AK2: variants seen among roughly 807,000 people sequenced by gnomAD.
The protein encoded by AK2 is adenylate kinase 2, mitochondrial.
In AK2, 15 loss-of-function variants were observed where a neutral mutation model predicts 24.6. That is an observed-to-expected ratio of 0.61 (90% CI 0.41 to 0.94). The LOEUF (loss-of-function observed/expected upper bound fraction) is 0.94. Ranked by LOEUF, AK2 falls within the 40% of genes least tolerant of loss-of-function variation. The probability of loss-of-function intolerance (pLI) is 0.00; values close to 1 mark genes in which losing one functional copy is unlikely to be tolerated. For synonymous variants in AK2, 102 were observed against 114.0 expected (o/e 0.90, Z 0.67); for missense variants, 257 against 304.1 (o/e 0.85, Z 1.15).
intron 4 of AK2, chr1:33,020,215 AC>A (rs1639449242): frequency 7.8e-7 from 1 of 1,276,894 alleles, no homozygotes; most frequent in African/African-American, 1.5e-5. Flanking sequence ...ACACACACAC[AC>A]ACACACACAC....
intron 1 of AK2, among the ~76,000 whole-genome samples, chr1:33,033,639 A>T (rs900729807): frequency 1.3e-5 from 2 of 152,284 alleles, no homozygotes; most frequent in South Asian, 2.1e-4. Flanking sequence ...ATACATACTA[A>T]TATTATTTAC....
intron 1 of AK2, among the ~76,000 whole-genome samples, chr1:33,034,002 T>C (rs960700549): frequency 3.3e-5 from 5 of 152,166 alleles, no homozygotes; most frequent in African/African-American, 4.8e-5. Context: ...GCCTCCTGAA[T>C]AGCTGGGACT....
intron 5 of AK2, among the ~76,000 whole-genome samples, chr1:33,014,086 C>T (rs547272056): frequency 6.6e-6 from 1 of 152,252 alleles, no homozygotes; most frequent in Non-Finnish European, 1.5e-5. Context: ...TATGAAACCC[C>T]AGGACACAGT....
rs541879563 is a variant in AK2 at position 33,021,370 on chromosome 1, C to G, written c.422G>C (p.Gly141Ala). The G allele has an allele frequency of 9.3e-6, 15 of 1,613,820 alleles. No homozygotes were observed. In the East Asian group the frequency reaches 3.1e-4, roughly 34 times the overall value. Residue 141 changes from glycine (G) to alanine (A), a missense_variant, in exon 4 of 6, where the codon GGA becomes GCA. Transcript: ENST00000672715. ...PDSLLIRRIT[G>A]RLIHPKSGRS... ...GGGACCTTCAAGGGACAAATACCTT[C>G]CTGTGATTCTTCGGATCAGCAGAGA...
chr1:33,036,661 G>C, intron 1 of AK2, 75 bp downstream of exon 1: 1 of 1,393,674 alleles, frequency 7.2e-7, no homozygotes, highest in South Asian at 1.2e-5. Context: ...GGCAGGTCCA[G>C]GGCTTCTAGA....
chr1:33,012,451 T>A lies in AK2; in HGVS notation c.*730A>T, dbSNP rs74613946. The A allele has an allele frequency of 0.028, 40,711 of 1,439,404 alleles. 700 individuals carry two copies. The highest frequency in any genetic ancestry group is 0.032 in the Non-Finnish European group (35,307 of 1,087,804). The allele number at this position is 1,439,404 out of a possible 1,614,324, so 89.2% of individuals were successfully genotyped here. On this transcript the variant is annotated 3_prime_UTR_variant, in exon 6 of 6. Coordinates refer to ENST00000672715, the MANE Select transcript of AK2 (RefSeq NM_001625.4). ...CTGTCCATAATGTGCCATCAGGAAC[T>A]GTGACCCTGCCTGACTTCACATGAT...
intron 1 of AK2, among the ~76,000 whole-genome samples, chr1:33,025,344 A>T (rs902795887): frequency 1.3e-5 from 2 of 152,194 alleles, no homozygotes; most frequent in African/African-American, 4.8e-5. Context: ...ATGAATGTAC[A>T]ATTGTCATGT....
At chr1:33,016,733 T>C (rs1639213500) in intron 4 of AK2, among the ~76,000 whole-genome samples, 2 of 152,120 alleles carry the variant, frequency 1.3e-5, no homozygotes, top group South Asian at 2.1e-4. Flanking sequence ...TGAGACAGAG[T>C]CTCATTCTGT....
intron 1 of AK2, among the ~76,000 whole-genome samples, chr1:33,032,736 A>G (rs1041278293): frequency 2.0e-5 from 3 of 152,226 alleles, no homozygotes; most frequent in Non-Finnish European, 2.9e-5. Flanking sequence ...ACCTAAATTG[A>G]ATTAAGTATA....
At chr1:33,036,655 G>A (rs1640601418) in intron 1 of AK2, 81 bp downstream of exon 1, 2 of 1,342,156 alleles carry the variant, frequency 1.5e-6, no homozygotes, top group Admixed American at 2.0e-5. Context: ...GCTCCGGGCA[G>A]GTCCAGGGCT....
At chr1:33,018,031 G>T (rs1297028360) in intron 4 of AK2, among the ~76,000 whole-genome samples, 2 of 152,114 alleles carry the variant, frequency 1.3e-5, no homozygotes, top group Non-Finnish European at 2.9e-5. Context: ...CCTACCAAAT[G>T]CTGGGATCAC....
At chr1:33,035,643 G>A (rs1331512462) in intron 1 of AK2, among the ~76,000 whole-genome samples, 2 of 152,130 alleles carry the variant, frequency 1.3e-5, no homozygotes, top group South Asian at 2.1e-4. Context: ...TTCCAAATCC[G>A]AAATGAGATC....
intron 1 of AK2, chr1:33,031,723 T>A (rs1023887537): frequency 2.2e-6 from 1 of 455,772 alleles, no homozygotes; most frequent in African/African-American, 2.0e-5. Flanking sequence ...TGCAATGACA[T>A]AACTGATGCA....
chr1:33,025,522 G>A (rs1349769310), intron 1 of AK2, among the ~76,000 whole-genome samples: 1 of 152,198 alleles, frequency 6.6e-6, no homozygotes, highest in East Asian at 1.9e-4. Context: ...TCAGAAGGTA[G>A]CTGTGAGGAT....
chr1:33,022,229 A>ATG (rs1553152327), intron 2 of AK2, among the ~76,000 whole-genome samples: 1 of 151,660 alleles, frequency 6.6e-6, no homozygotes, highest in East Asian at 1.9e-4. Flanking sequence ...AACGTGACTG[A>ATG]TGTGTGTACT....
chr1:33,028,232 G>A (rs1443438757), intron 1 of AK2, among the ~76,000 whole-genome samples: 5 of 152,110 alleles, frequency 3.3e-5, no homozygotes, highest in Non-Finnish European at 5.9e-5. Flanking sequence ...GGCTGGGCGC[G>A]GTGGCTCACG....
In AK2 at chr1:33,017,628, C is replaced by T. The variant is rs1639274222; in HGVS notation, c.426-3034G>A. On this transcript the variant is annotated intron_variant, in intron 4 of 5. Transcript: ENST00000672715. ...CAGAAGGTAAATGAAAGAAACCCCA[C>T]TCTCCAAGTTCTCAAAATGGGATTG... Among the ~76,000 whole-genome samples, 3 of 152,220 alleles carry T rather than the reference C, an allele frequency of 2.0e-5. No homozygotes were observed. In the South Asian group the frequency reaches 6.2e-4, roughly 31 times the overall value.
rs901174354 is a variant in AK2 at position 33,036,809 on chromosome 1, G to T, written c.20C>A (p.Ala7Glu). 1.9e-6 allele frequency: 3 copies of T among 1,594,048 alleles called. No homozygotes were observed. The highest frequency in any genetic ancestry group is 2.7e-5 in the African/African-American group (2 of 74,568). MAPSVP[A>E]AEPEYPKGIR... ...GCCTTTAGGATACTCGGGTTCTGCC[G>T]CTGGCACGCTGGGAGCCATGTCCGC... Residue 7 changes from alanine to glutamate, a missense_variant, in exon 1 of 6, where the codon GCG becomes GAG. Ala to Glu is a moderately radical substitution (Grantham distance 107, BLOSUM62 -1). Transcript: ENST00000672715.
At chr1:33,024,053 C>T (rs1196221529) in intron 2 of AK2, 1 of 266,100 alleles carries the variant, frequency 3.8e-6, no homozygotes, top group Non-Finnish European at 7.4e-6. Context: ...TGCCTGTAAT[C>T]CTAGCTACTC....
Sources: allele counts gnomAD v4.1 joint callset (sites outside exome capture counted in the v4.1 genomes callset), GRCh38; gene constraint gnomAD v4.1.1; transcripts MANE v1.5; gene names NCBI Gene and HGNC (gene_info 2026-07-23, HGNC 2026-07-21).